HGS: variants seen among roughly 807,000 people sequenced by gnomAD.
HGS encodes human growth factor-regulated tyrosine kinase substrate.
HGS carries 63 observed loss-of-function variants against 109.7 expected under a neutral mutation model. That is an observed-to-expected ratio of 0.57 (90% CI 0.47 to 0.71). The LOEUF (loss-of-function observed/expected upper bound fraction) is 0.71, where lower values mean the gene tolerates loss of function less well. Among genes scored for constraint, HGS ranks in the 30% least tolerant of loss-of-function variants. The pLI, the probability that HGS is intolerant of heterozygous loss-of-function variation, is 0.00. For missense variants in HGS, 995 were observed against 1,068.3 expected (o/e 0.93, Z 0.96); for synonymous variants, 546 against 437.3 (o/e 1.25, Z -3.10).
chr17:81,684,208 C>T (rs1348856544), intron 1 of HGS, 105 bp downstream of exon 1: 6 of 1,039,430 alleles, frequency 5.8e-6, no homozygotes, highest in African/African-American at 1.7e-5. Context: ...ACCGGCCGCC[C>T]TGCCCGCCTC....
Position 81,701,244 on chromosome 17 carries a change from G to A in HGS, c.2223+113G>A, listed in dbSNP as rs8067764. 3.2e-4 allele frequency: 316 copies of A among 1,001,936 alleles called. 2 individuals are homozygous for A. In the African/African-American group the frequency reaches 3.9e-3, roughly 13 times the overall value. The allele number at this position is 1,001,936 out of a possible 1,614,324, so 62.1% of individuals were successfully genotyped here. On this transcript the variant is annotated intron_variant, in intron 21 of 21. Coordinates refer to ENST00000329138, the MANE Select transcript of HGS (RefSeq NM_004712.5). ...GATTGTCCCGTACGTCTGCTCACAG[G>A]GGGAGACGCATACCCGAGGCCCCTT...
At chr17:81,689,745 G>GGGT (rs2037035829) in intron 5 of HGS, among the ~76,000 whole-genome samples, 1 of 152,218 alleles carries the variant, frequency 6.6e-6, no homozygotes, top group Non-Finnish European at 1.5e-5. Context: ...CTCAACTTTG[G>GGGT]GGTGGTGGAT....
intron 14 of HGS, 84 bp downstream of exon 14, chr17:81,695,307 C>T: frequency 6.9e-7 from 1 of 1,442,132 alleles, no homozygotes; most frequent in South Asian, 1.1e-5. Context: ...GGTGCCTGCC[C>T]TAACCAGAGG....
At chr17:81,698,403 G>A (rs1047440230) in intron 18 of HGS, 3 of 152,318 alleles carry the variant, frequency 2.0e-5, no homozygotes, top group African/African-American at 7.2e-5. Flanking sequence ...GGGATTACAG[G>A]TGTGAGCCAC....
intron 18 of HGS, among the ~76,000 whole-genome samples, chr17:81,699,136 T>G (rs2037196546): frequency 6.6e-6 from 1 of 152,220 alleles, no homozygotes; most frequent in Non-Finnish European, 1.5e-5. Context: ...CAGTTTTCTT[T>G]TGCATTGTTT....
intron 1 of HGS, chr17:81,684,986 G>A (rs1002119525): frequency 4.1e-6 from 4 of 985,368 alleles, no homozygotes; most frequent in Non-Finnish European, 4.8e-6. Context: ...TTCTGTATCC[G>A]GGAAAGGCGA....
rs1205644542 is a variant in HGS at position 81,688,750 on chromosome 17, A to C, written c.338A>C (p.Gln113Pro). The part of the protein sequence containing the change: ...NVRNKILYLI[Q>P]AWAHAFRNEP... ...CGTAACAAGATCCTGTACCTGATCCAGGCCTGGGCGCATGCCTTCCGGAAC... is the reference window on the plus strand; with the variant it reads ...CGTAACAAGATCCTGTACCTGATCCCGGCCTGGGCGCATGCCTTCCGGAAC... The change falls in exon 5 of 22, where the codon CAG (glutamine) becomes CCG (proline). Residue 113 changes from glutamine (Q) to proline (P), a missense_variant. Around this residue, in one of 6 missense-constraint regions of HGS, gnomAD observed 182 missense variants for 261.3 expected, o/e 0.70. Transcript: ENST00000329138. 6.2e-7 allele frequency: 1 copy of C among 1,614,134 alleles called. No individual in the cohort carries two copies. The highest frequency in any genetic ancestry group is 1.1e-5 in the South Asian group (1 of 91,068).
At chr17:81,687,309 G>A (rs1385995523) in intron 4 of HGS, among the ~76,000 whole-genome samples, 1 of 152,232 alleles carries the variant, frequency 6.6e-6, no homozygotes, top group East Asian at 1.9e-4. Flanking sequence ...AGCAGGAGCC[G>A]GCCTGGGGTG....
intron 1 of HGS, chr17:81,684,963 C>T (rs2036951733): frequency 2.0e-6 from 2 of 985,312 alleles, no homozygotes; most frequent in Non-Finnish European, 2.4e-6. Context: ...CGTGGCTTGG[C>T]TTGTTAGATC....
At chr17:81,684,151 C>A (rs946842560) in intron 1 of HGS, 48 bp downstream of exon 1, 5 of 1,449,254 alleles carry the variant, frequency 3.5e-6, no homozygotes, top group African/African-American at 3.0e-5. Context: ...CCCGCAGCCT[C>A]CGCCCGGCGC....
Position 81,701,755 on chromosome 17 carries a change from C to A in HGS, c.*137C>A. On this transcript the variant is annotated 3_prime_UTR_variant, in exon 22 of 22. Coordinates refer to ENST00000329138, the MANE Select transcript of HGS (RefSeq NM_004712.5). ...CTCTGCGAGTGAGGGGGGGCCTTCA[C>A]CCCAAGCCCACCTCCCTTGTCCTCA... is the stretch of plus-strand genomic sequence containing the variant. The A allele has an allele frequency of 7.7e-7, 1 of 1,307,074 alleles. No individual in the cohort carries two copies. The highest frequency in any genetic ancestry group is 1.6e-5 in the South Asian group (1 of 64,066). The allele number at this position is 1,307,074 out of a possible 1,614,324, so 81.0% of individuals were successfully genotyped here. A position where few individuals can be genotyped will look rare whatever the true frequency, so the allele number is the denominator to read the frequency against.
Position 81,696,686 on chromosome 17 carries a change from A to G in HGS, c.1646A>G (p.Gln549Arg). 6.2e-7 allele frequency: 1 copy of G among 1,611,358 alleles called. No individual in the cohort carries two copies. The highest frequency in any genetic ancestry group is 8.5e-7 in the Non-Finnish European group (1 of 1,179,610). The change falls in exon 17 of 22, where the codon CAG (glutamine) becomes CGG (arginine). Residue 549 changes from glutamine to arginine, a missense_variant. Physicochemically the swap from Gln to Arg is conservative, Grantham distance 43 (BLOSUM62 1). Transcript: ENST00000329138. ...QEKERQMRLE[Q>R]QKQTVQMRAQ... ...AAGGAGCGGCAGATGCGGCTGGAGC[A>G]GCAGAAGCAGACGGTCCAGATGCGC... is the stretch of plus-strand genomic sequence containing the variant.
In HGS at chr17:81,701,116, G is replaced by A. The variant is rs1054288325; in HGVS notation, c.2208G>A (p.Gln736=). 3 of 1,613,848 alleles carry A rather than the reference G, an allele frequency of 1.9e-6. No individual in the cohort carries two copies. The highest frequency in any genetic ancestry group is 2.5e-6 in the Non-Finnish European group (3 of 1,179,946). The change falls in exon 21 of 22, where the codon CAG becomes CAA. Residue 736 remains glutamine, a synonymous_variant. Transcript: ENST00000329138. ...PPQQPYIAGQ[Q]PMYQQMAPSG... ...AGCAGCCCTACATCGCGGGGCAGCA[G>A]CCCATGTACCAGCAGGTGAGCCATT...
Position 81,688,770 on chromosome 17 carries a change from C to CG in HGS, c.360dup (p.Asn121GlufsTer44). On this transcript the variant is annotated frameshift_variant, in exon 5 of 22. Transcript: ENST00000329138. LOFTEE classifies it high-confidence loss of function. ...GATCCAGGCCTGGGCGCATGCCTTC[C>CG]GGAACGAGCCCAAGTACAAGGTGGT... is the stretch of plus-strand genomic sequence containing the variant. The CG allele has an allele frequency of 6.2e-7, 1 of 1,614,100 alleles. No individual in the cohort carries two copies. The highest frequency in any genetic ancestry group is 8.5e-7 in the Non-Finnish European group (1 of 1,179,992).
Position 81,687,065 on chromosome 17 carries a change from G to C in HGS, c.261G>C (p.Gln87His). The change falls in exon 4 of 22, where the codon CAG becomes CAC. Residue 87 changes from glutamine (Q) to histidine (H), a missense_variant. By Grantham distance (24) the Gln-to-His change is conservative. This residue lies in a region of HGS where 182 missense variants were observed against 261.3 expected (regional missense o/e 0.70). Transcript: ENST00000329138. ...QTVHDEVANK[Q>H]TMEELKDLLK... is the part of the protein sequence containing the mutation. ...TTCATGATGAGGTGGCCAACAAGCA[G>C]ACCATGGAGGAGCTGAAGGACCTGC... 1 of 1,613,316 alleles carries C rather than the reference G, an allele frequency of 6.2e-7. No homozygotes were observed. The highest frequency in any genetic ancestry group is 8.5e-7 in the Non-Finnish European group (1 of 1,179,906).
Position 81,695,245 on chromosome 17 carries a change from G to GA in HGS, c.1179+22_1179+23insA, listed in dbSNP as rs1568217073. On this transcript the variant is annotated intron_variant, in intron 14 of 21. Transcript: ENST00000329138. ...TGAGGTAAGCTGTGGCTCCCTCCACGGGCCAGGGCAAAACATGGCCTCCTG... is the reference window on the plus strand; with the variant it reads ...TGAGGTAAGCTGTGGCTCCCTCCACGAGGCCAGGGCAAAACATGGCCTCCTG... 9 of 1,612,336 alleles carry GA rather than the reference G, an allele frequency of 5.6e-6. No individual in the cohort carries two copies. The East Asian group carries it at 2.0e-4, about 36-fold the overall frequency.
intron 14 of HGS, 105 bp from the exon 15 acceptor site, chr17:81,695,681 C>G: frequency 9.9e-7 from 1 of 1,010,328 alleles, no homozygotes; most frequent in Non-Finnish European, 1.5e-6. Flanking sequence ...AGCAGATGGA[C>G]TCTGCTCCAG....
At chr17:81,695,379 G>A (rs1245585300) in intron 14 of HGS, among the ~76,000 whole-genome samples, 156 bp downstream of exon 14, 1 of 152,172 alleles carries the variant, frequency 6.6e-6, no homozygotes, top group African/African-American at 2.4e-5. Flanking sequence ...CCTGCCCTTT[G>A]TGGCCTCTCC....
intron 7 of HGS, 63 bp downstream of exon 7, chr17:81,690,805 A>G: frequency 4.1e-6 from 6 of 1,449,192 alleles, no homozygotes; most frequent in Non-Finnish European, 5.7e-6. Context: ...GCCGTGCACA[A>G]GGCCACCGTC....
Sources: allele counts gnomAD v4.1 joint callset (sites outside exome capture counted in the v4.1 genomes callset), GRCh38; gene constraint gnomAD v4.1.1; regional missense constraint gnomAD v4.1.1; transcripts MANE v1.5; gene names NCBI Gene and HGNC (gene_info 2026-07-23, HGNC 2026-07-21).